Variants in BICC1 observed in about 807,000 individuals in gnomAD.
The protein encoded by BICC1 is protein bicaudal C homolog 1.
A neutral mutation model predicts 111.0 loss-of-function variants in BICC1; 43 were observed. The observed-to-expected ratio is 0.39, with a 90% CI of 0.30 to 0.50. The LOEUF (loss-of-function observed/expected upper bound fraction) is 0.50. BICC1 is among the 20% of genes least tolerant of loss of function. BICC1 has a pLI of 0.88. For missense variants in BICC1, 1,091 were observed against 1,203.2 expected (o/e 0.91, Z 1.38); for synonymous variants, 467 against 434.4 (o/e 1.07, Z -0.93).
chr10:58,523,959 A>C, intron 1 of BICC1, among the ~76,000 whole-genome samples: 1 of 152,174 alleles, frequency 6.6e-6, no homozygotes, highest in East Asian at 1.9e-4. Context: ...AATTGCTTCA[A>C]AGAGAATGAA....
At chr10:58,797,678 C>G (rs533293014) in intron 10 of BICC1, among the ~76,000 whole-genome samples, 1 of 152,252 alleles carries the variant, frequency 6.6e-6, no homozygotes, top group African/African-American at 2.4e-5. Flanking sequence ...CTATACCTAT[C>G]CTGTTATATA....
intron 1 of BICC1, among the ~76,000 whole-genome samples, chr10:58,562,948 C>T (rs575643553): frequency 6.6e-6 from 1 of 152,264 alleles, no homozygotes; most frequent in South Asian, 2.1e-4. Context: ...GTGGGGCCTG[C>T]CAGGCAGGCT....
At chr10:58,581,213 A>G (rs566724972) in intron 1 of BICC1, among the ~76,000 whole-genome samples, 12 of 152,198 alleles carry the variant, frequency 7.9e-5, no homozygotes, top group Non-Finnish European at 1.3e-4. Flanking sequence ...TTATATGTTG[A>G]GGCCTCTTTT....
chr10:58,523,959 A>T (rs1458668153), intron 1 of BICC1, among the ~76,000 whole-genome samples: 1 of 152,174 alleles, frequency 6.6e-6, no homozygotes, highest in Non-Finnish European at 1.5e-5. Context: ...AATTGCTTCA[A>T]AGAGAATGAA....
chr10:58,727,473 G>GC (rs1303103503), intron 3 of BICC1, among the ~76,000 whole-genome samples: 1 of 152,008 alleles, frequency 6.6e-6, no homozygotes, highest in Non-Finnish European at 1.5e-5. Flanking sequence ...TGCAGTCCCA[G>GC]CTACTTGGGA....
rs182575247 is a variant in BICC1 at position 58,568,007 on chromosome 10, A to G, written c.191-52848A>G. Reference sequence around the variant, plus strand: ...AGGGAATCAGAAAGAAAAAACAGTTAAAATCTTCTCTCCTGGAGTGATCAT... The same window carrying G: ...AGGGAATCAGAAAGAAAAAACAGTTGAAATCTTCTCTCCTGGAGTGATCAT... On this transcript the variant is annotated intron_variant, in intron 1 of 20. Coordinates refer to ENST00000373886, the MANE Select transcript of BICC1 (RefSeq NM_001080512.3). Among the ~76,000 whole-genome samples the G allele has an allele frequency of 4.3e-4, 66 of 152,258 alleles. 1 individual carries two copies. The highest frequency in any genetic ancestry group is 3.8e-4 in the Non-Finnish European group (26 of 68,020).
intron 1 of BICC1, among the ~76,000 whole-genome samples, chr10:58,558,814 A>C (rs571557347): frequency 6.6e-6 from 1 of 152,098 alleles, no homozygotes; most frequent in African/African-American, 2.4e-5. Context: ...CCTGTTCCTC[A>C]TAGATGATGC....
chr10:58,528,076 G>A (rs143707653), intron 1 of BICC1, among the ~76,000 whole-genome samples: 1 of 152,012 alleles, frequency 6.6e-6, no homozygotes, highest in African/African-American at 2.4e-5. Context: ...AAAATATCTG[G>A]ACTGTGTTTA....
chr10:58,682,723 G>A (rs1159758055), intron 2 of BICC1, among the ~76,000 whole-genome samples: 1 of 152,056 alleles, frequency 6.6e-6, no homozygotes, highest in African/African-American at 2.4e-5. Flanking sequence ...CTTTTTGATG[G>A]GGTTGTTTGA....
chr10:58,661,552 A>C, intron 2 of BICC1, among the ~76,000 whole-genome samples: 1 of 152,160 alleles, frequency 6.6e-6, no homozygotes, highest in Non-Finnish European at 1.5e-5. Flanking sequence ...TTTTCTGAAG[A>C]TTGTTAAGTT....
intron 2 of BICC1, among the ~76,000 whole-genome samples, chr10:58,640,992 T>C (rs1838105523): frequency 6.6e-6 from 1 of 152,222 alleles, no homozygotes; most frequent in Non-Finnish European, 1.5e-5. Flanking sequence ...GAAAAACACA[T>C]TTAAAAATTC....
chr10:58,808,324 G>A (rs1364487647), intron 17 of BICC1, among the ~76,000 whole-genome samples: 1 of 152,152 alleles, frequency 6.6e-6, no homozygotes, highest in East Asian at 1.9e-4. Flanking sequence ...TGTTAACAGA[G>A]ACCATAAAAC....
At position 58,796,465 on chromosome 10, in the gene BICC1, C is replaced by T. The variant is rs143976387; in HGVS notation, c.1305C>T (p.Ala435=). The T allele has an allele frequency of 4.2e-5, 67 of 1,614,122 alleles. No individual in the cohort carries two copies. The Middle Eastern group carries it at 5.0e-4, about 12-fold the overall frequency. The part of the protein sequence containing the change: ...ATSPSPASCP[A]GLACPSLDIL... ...GTCCATCCCCAGCATCCTGCCCTGC[C>T]GGCCTGGCATGTCCCAGCCTGGATA... The change falls in exon 10 of 21, where the codon GCC becomes GCT. Residue 435 remains alanine (A), a synonymous_variant. Coordinates refer to ENST00000373886, the MANE Select transcript of BICC1 (RefSeq NM_001080512.3).
chr10:58,806,444 G>A lies in BICC1; in HGVS notation c.2182-140G>A, dbSNP rs1450414784. 7.1e-6 allele frequency: 5 copies of A among 700,182 alleles called. No individual in the cohort carries two copies. The East Asian group carries it at 1.3e-4, about 19-fold the overall frequency. 43.4% of individuals were successfully genotyped at this position (700,182 alleles called of 1,614,324 possible). The stretch of plus-strand genomic sequence containing the variant: ...ACTTACAGACATACCTTGGATTTCT[G>A]TGGCATTATTGTGCAAAGCTTGGTG... On this transcript the variant is annotated intron_variant, in intron 15 of 20. Transcript: ENST00000373886.
At chr10:58,784,131 C>T (rs2132781464) in intron 3 of BICC1, among the ~76,000 whole-genome samples, 1 of 152,046 alleles carries the variant, frequency 6.6e-6, no homozygotes, top group African/African-American at 2.4e-5. Flanking sequence ...TTTCTTTTTT[C>T]ATAACATGTA....
chr10:58,781,275 C>G (rs1276853645), intron 3 of BICC1, among the ~76,000 whole-genome samples: 2 of 152,154 alleles, frequency 1.3e-5, no homozygotes, highest in East Asian at 3.9e-4. Flanking sequence ...AGGATATGAG[C>G]TTTAGACTCT....
rs949077117 is a variant in BICC1, at chr10:58,530,692, A to C, written c.190+17359A>C. Among the ~76,000 whole-genome samples the C allele has an allele frequency of 3.7e-4, 49 of 132,222 alleles. 1 individual carries two copies. The East Asian group carries it at 4.2e-3, about 11-fold the overall frequency. The allele number at this position is 132,222 out of a possible 152,430, so 86.7% of individuals were successfully genotyped here. A position where few individuals can be genotyped will look rare whatever the true frequency, so the allele number is the denominator to read the frequency against. On this transcript the variant is annotated intron_variant, in intron 1 of 20. Transcript: ENST00000373886. ...TTTATATACTTTAAATGCAAAAAAA[A>C]AAAAAAAAAGAAAATCAGAAAGGGA...
intron 3 of BICC1, among the ~76,000 whole-genome samples, chr10:58,737,183 G>A (rs1841496934): frequency 6.6e-6 from 1 of 151,908 alleles, no homozygotes; most frequent in Non-Finnish European, 1.5e-5. Context: ...GTGCCATGTT[G>A]GTGTGCTGCA....
At position 58,562,493 on chromosome 10, in the gene BICC1, A is replaced by G. The variant is rs199805147; in HGVS notation, c.190+49160A>G. Among the ~76,000 whole-genome samples, 12 of 151,910 alleles carry G rather than the reference A, an allele frequency of 7.9e-5. No homozygotes were observed. The East Asian group carries it at 2.3e-3, about 29-fold the overall frequency. On this transcript the variant is annotated intron_variant, in intron 1 of 20. Coordinates refer to ENST00000373886, the MANE Select transcript of BICC1 (RefSeq NM_001080512.3). ...TTCTTTTTTATATCTATTTGTGTTG[A>G]ATTTCTCATTTAGATCATGAATTGT...
Sources: allele counts gnomAD v4.1 joint callset (sites outside exome capture counted in the v4.1 genomes callset), GRCh38; gene constraint gnomAD v4.1.1; transcripts MANE v1.5; gene names NCBI Gene and HGNC (gene_info 2026-07-23, HGNC 2026-07-21).